Variants in RYR2 observed in about 807,000 individuals in gnomAD.
The protein encoded by RYR2 is cardiac muscle ryanodine receptor-calcium release channel.
Under a neutral mutation model 601.1 loss-of-function variants are expected in RYR2, and 227 were observed. The ratio of observed to expected loss-of-function variants is 0.38; its 90% CI spans 0.34 to 0.42. The LOEUF (loss-of-function observed/expected upper bound fraction) is 0.42, where lower values mean the gene tolerates loss of function less well. Ranked by LOEUF, RYR2 falls within the 10% of genes least tolerant of loss-of-function variation. RYR2 has a pLI of 1.00. For missense variants in RYR2, 4,646 were observed against 6,156.5 expected (o/e 0.75, Z 8.21); for synonymous variants, 2,223 against 2,175.1 (o/e 1.02, Z -0.61).
chr1:237,131,924 A>C (rs1184668093), intron 1 of RYR2, among the ~76,000 whole-genome samples: 1 of 151,968 alleles, frequency 6.6e-6, no homozygotes, highest in Non-Finnish European at 1.5e-5. Flanking sequence ...GGGACGCCCT[A>C]CGTTGCCCAG....
chr1:237,153,294 G>GT (rs1345308154), intron 1 of RYR2, among the ~76,000 whole-genome samples: 1 of 152,188 alleles, frequency 6.6e-6, no homozygotes, highest in Admixed American at 6.5e-5. Context: ...TGGCAGTTGA[G>GT]TAACTTGTGG....
At chr1:237,689,991 C>G (rs1331335331) in intron 63 of RYR2, among the ~76,000 whole-genome samples, 1 of 151,940 alleles carries the variant, frequency 6.6e-6, no homozygotes, top group Admixed American at 6.6e-5. Context: ...ATTACAGGCA[C>G]ACGCCACCAC....
intron 22 of RYR2, among the ~76,000 whole-genome samples, 192 bp downstream of exon 22, chr1:237,503,697 T>C (rs1664903461): frequency 6.6e-6 from 1 of 152,198 alleles, no homozygotes; most frequent in East Asian, 1.9e-4. Context: ...TTTTCTATTC[T>C]ATTCTATGTT....
At chr1:237,072,188 G>T (rs926704813) in intron 1 of RYR2, among the ~76,000 whole-genome samples, 1 of 152,206 alleles carries the variant, frequency 6.6e-6, no homozygotes, top group Non-Finnish European at 1.5e-5. Context: ...GTGCCCTCCG[G>T]CTCCATGGGG....
At chr1:237,582,755 T>G (rs1674066164) in intron 29 of RYR2, among the ~76,000 whole-genome samples, 1 of 152,174 alleles carries the variant, frequency 6.6e-6, no homozygotes, top group Admixed American at 6.6e-5. Context: ...TTTCATTTTT[T>G]TATAGCTGCA....
chr1:237,294,027 T>C (rs576694131), intron 2 of RYR2, among the ~76,000 whole-genome samples: 2 of 152,310 alleles, frequency 1.3e-5, no homozygotes, highest in East Asian at 3.9e-4. Context: ...TCCAAGAGCC[T>C]ACCAAGAGTC....
chr1:237,601,422 G>A (rs1344348941), intron 34 of RYR2, among the ~76,000 whole-genome samples: 1 of 152,130 alleles, frequency 6.6e-6, no homozygotes, highest in Non-Finnish European at 1.5e-5. Flanking sequence ...GGTTATCAGA[G>A]ACTGGGAAGG....
rs55852744 is a variant in RYR2, at chr1:237,061,276, CATCTATCTATCTATCTATCT to C, written c.48+18737_48+18756del. Among the ~76,000 whole-genome samples, 165 of 98,774 alleles carry C rather than the reference CATCTATCTATCTATCTATCT, an allele frequency of 1.7e-3. 5 individuals are homozygous for C. Among genetic ancestry groups the C allele is most frequent in the Admixed American group, 0.013 (120 of 8,906 alleles). 64.8% of individuals were successfully genotyped at this position (98,774 alleles called of 152,430 possible). ...ATCATCTATCTATCTATCCATCTAT[CATCTATCTATCTATCTATCT>C]ATCTATCTATCTATCTATCTATCTA... On this transcript the variant is annotated intron_variant, in intron 1 of 104. Coordinates refer to ENST00000366574, the MANE Select transcript of RYR2 (RefSeq NM_001035.3).
At chr1:237,389,507 G>A (rs1466548405) in intron 10 of RYR2, among the ~76,000 whole-genome samples, 2 of 152,176 alleles carry the variant, frequency 1.3e-5, no homozygotes, top group Admixed American at 6.5e-5. Flanking sequence ...TCACGGAAAT[G>A]AAATGCAGTA....
chr1:237,631,634 T>TA lies in RYR2; in HGVS notation c.6555+93_6555+94insA, dbSNP rs1680275242. On this transcript the variant is annotated intron_variant, in intron 42 of 104. Transcript: ENST00000366574. ...GCAGATTTTTTTTTTTTTTTTTTTTTTTTTTTTTTTTGGAGACAGAGGCTC... is the reference window on the plus strand; with the variant it reads ...GCAGATTTTTTTTTTTTTTTTTTTTTATTTTTTTTTTTGGAGACAGAGGCTC... The TA allele has an allele frequency of 9.2e-6, 5 of 543,294 alleles. No homozygotes were observed. The South Asian group carries it at 1.3e-4, about 14-fold the overall frequency. The allele number at this position is 543,294 out of a possible 1,614,324, so 33.7% of individuals were successfully genotyped here. A position where few individuals can be genotyped will look rare whatever the true frequency, so the allele number is the denominator to read the frequency against.
chr1:237,553,716 G>A (rs1019964754), intron 27 of RYR2, among the ~76,000 whole-genome samples: 1 of 151,140 alleles, frequency 6.6e-6, no homozygotes, highest in African/African-American at 2.4e-5. Flanking sequence ...GTTTCTCTTA[G>A]CATTGCTTTG....
intron 1 of RYR2, among the ~76,000 whole-genome samples, chr1:237,061,301 A>C (rs1300430945): frequency 6.9e-6 from 1 of 144,602 alleles, no homozygotes; most frequent in African/African-American, 2.5e-5. Flanking sequence ...CTATCTATCT[A>C]TCTATCTATC....
chr1:237,133,109 G>A (rs1415037325), intron 1 of RYR2, among the ~76,000 whole-genome samples: 3 of 152,190 alleles, frequency 2.0e-5, no homozygotes, highest in Non-Finnish European at 2.9e-5. Context: ...CAGTGGGCTG[G>A]TGGCAAGATT....
At chr1:237,127,524 A>C (rs1240731036) in intron 1 of RYR2, among the ~76,000 whole-genome samples, 2 of 128,362 alleles carry the variant, frequency 1.6e-5, no homozygotes, top group Admixed American at 7.8e-5. Flanking sequence ...TGATGCCCCC[A>C]CCTCCCTCCC....
At chr1:237,465,497 C>A (rs1659974163) in intron 16 of RYR2, among the ~76,000 whole-genome samples, 1 of 152,158 alleles carries the variant, frequency 6.6e-6, no homozygotes, top group African/African-American at 2.4e-5. Context: ...GGAATACGGT[C>A]ATGTGTCACT....
chr1:237,745,219 G>T (rs187134794), intron 80 of RYR2, among the ~76,000 whole-genome samples: 1 of 152,084 alleles, frequency 6.6e-6, no homozygotes, highest in Non-Finnish European at 1.5e-5. Context: ...GCTCTGATCC[G>T]ATGGATATAA....
chr1:237,639,335 CT>C, intron 46 of RYR2, 134 bp downstream of exon 46: 2 of 881,516 alleles, frequency 2.3e-6, no homozygotes, highest in Non-Finnish European at 3.2e-6. Flanking sequence ...AATATAATGT[CT>C]TAGATTTGGA....
chr1:237,431,247 C>T (rs2150098857), intron 12 of RYR2, among the ~76,000 whole-genome samples: 1 of 152,032 alleles, frequency 6.6e-6, no homozygotes, highest in African/African-American at 2.4e-5. Flanking sequence ...AAATTTTTTC[C>T]CATGAACTAG....
intron 29 of RYR2, among the ~76,000 whole-genome samples, chr1:237,586,847 G>A (rs1674583927): frequency 6.6e-6 from 1 of 151,792 alleles, no homozygotes; most frequent in Non-Finnish European, 1.5e-5. Flanking sequence ...AGCCTCCCAA[G>A]TAACTGGGAC....
Sources: gnomAD v4.1 joint callset for allele counts (sites outside exome capture counted in the v4.1 genomes callset) on GRCh38, gnomAD v4.1.1 for gene constraint, MANE v1.5 for transcripts, NCBI Gene and HGNC (gene_info 2026-07-23, HGNC 2026-07-21) for gene names.